The following ST6GALNAC3 variants were observed in gnomAD, a reference collection of about 807,000 sequenced individuals.
ST6GALNAC3 encodes alpha-N-acetylgalactosaminide alpha-2,6-sialyltransferase 3.
Under a neutral mutation model 32.7 loss-of-function variants are expected in ST6GALNAC3, and 25 were observed. That is an observed-to-expected ratio of 0.76 (90% confidence interval 0.56 to 1.07). The LOEUF (loss-of-function observed/expected upper bound fraction) is 1.07, where lower values mean the gene tolerates loss of function less well. Ranked by LOEUF, ST6GALNAC3 falls within the 50% of genes least tolerant of loss-of-function variation. The pLI, the probability that ST6GALNAC3 is intolerant of heterozygous loss-of-function variation, is 0.00. For missense variants in ST6GALNAC3, 355 were observed against 382.4 expected (o/e 0.93, Z 0.60); for synonymous variants, 129 against 133.1 (o/e 0.97, Z 0.21).
chr1:76,238,834 G>C (rs772901369), intron 1 of ST6GALNAC3, among the ~76,000 whole-genome samples: 11 of 151,936 alleles, frequency 7.2e-5, no homozygotes, highest in African/African-American at 1.7e-4. Flanking sequence ...TACTGACAAC[G>C]TCTAGGGATT....
At chr1:76,133,729 A>C (rs1332550526) in intron 1 of ST6GALNAC3, among the ~76,000 whole-genome samples, 1 of 152,236 alleles carries the variant, frequency 6.6e-6, no homozygotes, top group Non-Finnish European at 1.5e-5. Flanking sequence ...GGAGGATTCC[A>C]TTCATGTGTA....
chr1:76,498,509 A>G (rs112197422), intron 3 of ST6GALNAC3, among the ~76,000 whole-genome samples: 2 of 152,300 alleles, frequency 1.3e-5, no homozygotes, highest in African/African-American at 4.8e-5. Context: ...AGAGTTTTTT[A>G]GGAAACCTCT....
At chr1:76,291,410 A>G (rs1390058788) in intron 1 of ST6GALNAC3, among the ~76,000 whole-genome samples, 1 of 152,202 alleles carries the variant, frequency 6.6e-6, no homozygotes, top group Non-Finnish European at 1.5e-5. Flanking sequence ...AGGCCCGGCC[A>G]ATTCAATGTG....
chr1:76,263,132 T>C (rs1369590723), intron 1 of ST6GALNAC3, among the ~76,000 whole-genome samples: 1 of 152,132 alleles, frequency 6.6e-6, no homozygotes, highest in African/African-American at 2.4e-5. Context: ...GAAAATTAAA[T>C]TGAAAAAACA....
chr1:76,189,459 C>A (rs1047259261), intron 1 of ST6GALNAC3, among the ~76,000 whole-genome samples: 1 of 152,070 alleles, frequency 6.6e-6, no homozygotes, highest in African/African-American at 2.4e-5. Context: ...GGCCAATAGA[C>A]AAGGGAGTGA....
At chr1:76,317,401 T>C (rs1216640269) in intron 2 of ST6GALNAC3, among the ~76,000 whole-genome samples, 1 of 152,130 alleles carries the variant, frequency 6.6e-6, no homozygotes, top group Non-Finnish European at 1.5e-5. Context: ...GTGAGTTCAG[T>C]GTTCTAGGAC....
intron 3 of ST6GALNAC3, among the ~76,000 whole-genome samples, chr1:76,427,637 C>T (rs1655486600): frequency 6.6e-6 from 1 of 152,116 alleles, no homozygotes; most frequent in African/African-American, 2.4e-5. Context: ...GTTTTACCAT[C>T]AAGTTGGATA....
At chr1:76,119,253 T>C (rs1178467638) in intron 1 of ST6GALNAC3, among the ~76,000 whole-genome samples, 1 of 152,238 alleles carries the variant, frequency 6.6e-6, no homozygotes, top group Admixed American at 6.5e-5. Flanking sequence ...TTCTAAACAC[T>C]GGATACATCA....
chr1:76,445,458 TA>T (rs1656905146), intron 3 of ST6GALNAC3, among the ~76,000 whole-genome samples: 1 of 152,148 alleles, frequency 6.6e-6, no homozygotes, highest in Non-Finnish European at 1.5e-5. Flanking sequence ...TACATCATGT[TA>T]AAACTATTAT....
chr1:76,393,658 A>G (rs61771515), intron 2 of ST6GALNAC3, among the ~76,000 whole-genome samples: 6,614 of 152,296 alleles, frequency 0.043, 205 homozygotes, highest in African/African-American at 0.081. Flanking sequence ...GAATGATTCT[A>G]TAAGTCCTGA....
At chr1:76,161,451 C>T (rs1032314056) in intron 1 of ST6GALNAC3, among the ~76,000 whole-genome samples, 1 of 152,198 alleles carries the variant, frequency 6.6e-6, no homozygotes, top group African/African-American at 2.4e-5. Context: ...TGCCGCTCCC[C>T]TCAGTCCTTC....
intron 1 of ST6GALNAC3, among the ~76,000 whole-genome samples, chr1:76,287,506 T>C (rs1017121577): frequency 1.3e-5 from 2 of 151,182 alleles, no homozygotes; most frequent in Non-Finnish European, 2.9e-5. Flanking sequence ...ACCGCCAAGA[T>C]AACAGCAATT....
chr1:76,087,488 T>A (rs1410606107), intron 1 of ST6GALNAC3, among the ~76,000 whole-genome samples: 1 of 152,208 alleles, frequency 6.6e-6, no homozygotes. Flanking sequence ...TCACTGAACA[T>A]CTAATTTTTT....
chr1:76,413,023 A>G, intron 3 of ST6GALNAC3: 1 of 329,008 alleles, frequency 3.0e-6, no homozygotes, highest in Non-Finnish European at 6.0e-6. Context: ...CTATTCATTC[A>G]ATTATCCAAA....
At chr1:76,268,546 T>C (rs942620781) in intron 1 of ST6GALNAC3, among the ~76,000 whole-genome samples, 2 of 152,188 alleles carry the variant, frequency 1.3e-5, no homozygotes, top group Admixed American at 1.3e-4. Context: ...GATCTTGATT[T>C]GAAGAGAGAG....
At chr1:76,637,035 T>C (rs1303391896), downstream of ST6GALNAC3, 1 of 152,218 alleles carries the variant, frequency 6.6e-6, no homozygotes, top group African/African-American at 2.4e-5. Context: ...TTAATCAGAG[T>C]GGTGGCTCTC....
intron 1 of ST6GALNAC3, among the ~76,000 whole-genome samples, chr1:76,172,911 C>G (rs186596897): frequency 5.3e-5 from 8 of 152,196 alleles, no homozygotes; most frequent in Admixed American, 5.2e-4. Context: ...TCATACTGCC[C>G]AAAGTAATTT....
chr1:76,572,346 A>G lies in ST6GALNAC3; in HGVS notation c.624-55106A>G, dbSNP rs771018688. 1.1e-3 allele frequency among the ~76,000 whole-genome samples: 172 copies of G among 152,156 alleles called. 8 individuals carry two copies. Among genetic ancestry groups the G allele is most frequent in the Non-Finnish European group, 1.0e-3 (68 of 67,996 alleles). On this transcript the variant is annotated intron_variant, in intron 3 of 4. Transcript: ENST00000328299. Reference sequence around the variant, plus strand: ...CATATTAAGTGCTATTAAATGCTCAATAAATGTTTCATGACTGAATAAACT... The same window carrying G: ...CATATTAAGTGCTATTAAATGCTCAGTAAATGTTTCATGACTGAATAAACT...
chr1:76,307,952 G>A (rs1264844472), intron 1 of ST6GALNAC3: 4 of 508,670 alleles, frequency 7.9e-6, no homozygotes, highest in African/African-American at 5.8e-5. Flanking sequence ...CAGCTAGAAT[G>A]CCATGTTTTT....
Sources: allele counts gnomAD v4.1 joint callset (sites outside exome capture counted in the v4.1 genomes callset), GRCh38; gene constraint gnomAD v4.1.1; transcripts MANE v1.5; gene names NCBI Gene and HGNC (gene_info 2026-07-23, HGNC 2026-07-21).